The following PECR variants were observed in gnomAD, a reference collection of about 807,000 sequenced individuals.
PECR encodes 2,4-dienoyl-CoA reductase-related protein.
A neutral mutation model predicts 35.3 loss-of-function variants in PECR; 30 were observed. The observed-to-expected ratio is 0.85, with a 90% confidence interval of 0.64 to 1.15. PECR has a LOEUF of 1.15. Among genes scored for constraint, PECR ranks in the 50% most tolerant of loss-of-function variants. PECR has a pLI of 0.00. For synonymous variants in PECR, 148 were observed against 138.9 expected, an observed-to-expected ratio of 1.07 and a Z score of -0.46; for missense variants, 392 against 370.8, an observed-to-expected ratio of 1.06 and a Z score of -0.47.
intron 6 of PECR, among the ~76,000 whole-genome samples, chr2:216,046,501 G>A (rs904643407): frequency 3.3e-5 from 5 of 151,430 alleles, no homozygotes; most frequent in Admixed American, 1.3e-4. Flanking sequence ...TAGTATAGAC[G>A]GGGTTTCGCC....
rs1307446206 is a variant in PECR at position 216,056,684 on chromosome 2, G to A, written c.506+2211C>T. 5.6e-5 allele frequency among the ~76,000 whole-genome samples: 8 copies of A among 142,550 alleles called. 1 individual carries two copies. In the Admixed American group the frequency reaches 6.0e-4, roughly 11 times the overall value. The allele number at this position is 142,550 out of a possible 152,430, so 93.5% of individuals were successfully genotyped here. A position where few individuals can be genotyped will look rare whatever the true frequency, so the allele number is the denominator to read the frequency against. ...TGCAGTGAGCCAAGATCGCCCCATT[G>A]CACTTCAGCCTGGGCAACAGGAGCA... On this transcript the variant is annotated intron_variant, in intron 4 of 7. Coordinates refer to ENST00000265322, the MANE Select transcript of PECR (RefSeq NM_018441.6).
intron 1 of PECR, among the ~76,000 whole-genome samples, chr2:216,074,364 T>C (rs560587579): frequency 1.3e-5 from 2 of 152,076 alleles, no homozygotes; most frequent in Non-Finnish European, 2.9e-5. Flanking sequence ...CGAGAATTGC[T>C]TGAACCTGGG....
At chr2:216,036,117 C>T (rs1694789340), downstream of PECR, among the ~76,000 whole-genome samples, 1 of 152,210 alleles carries the variant, frequency 6.6e-6, no homozygotes, top group African/African-American at 2.4e-5. Flanking sequence ...TCAGGTGACT[C>T]ACCTCCCAGT....
chr2:216,029,270 G>A (rs745541184), intron 7 of PECR, among the ~76,000 whole-genome samples: 5 of 152,170 alleles, frequency 3.3e-5, no homozygotes, highest in Non-Finnish European at 7.3e-5. Context: ...ACGAGGTCAA[G>A]AGATTGAGAC....
chr2:216,042,547 T>C (rs962772208), intron 7 of PECR, among the ~76,000 whole-genome samples: 7 of 152,196 alleles, frequency 4.6e-5, no homozygotes, highest in Admixed American at 3.9e-4. Flanking sequence ...TTATACCCTT[T>C]ACTACATTTT....
At chr2:216,059,967 G>T (rs577394228) in intron 3 of PECR, among the ~76,000 whole-genome samples, 19 of 152,306 alleles carry the variant, frequency 1.2e-4, no homozygotes, top group Non-Finnish European at 2.2e-4. Flanking sequence ...TGAATCTACA[G>T]ATCAATTTGG....
At chr2:216,051,065 C>G (rs1341251698) in intron 5 of PECR, among the ~76,000 whole-genome samples, 1 of 151,544 alleles carries the variant, frequency 6.6e-6, no homozygotes, top group Non-Finnish European at 1.5e-5. Flanking sequence ...GCGAACAGAT[C>G]TCCTGAGCTC....
At chr2:216,029,102 C>A (rs1381904035) in intron 7 of PECR, among the ~76,000 whole-genome samples, 3 of 151,858 alleles carry the variant, frequency 2.0e-5, no homozygotes, top group African/African-American at 7.3e-5. Context: ...TTATATTCAT[C>A]TTTATTTATT....
chr2:216,062,219 T>C (rs981401486), intron 3 of PECR, among the ~76,000 whole-genome samples: 1 of 152,060 alleles, frequency 6.6e-6, no homozygotes, highest in Non-Finnish European at 1.5e-5. Context: ...CTAATGTTTG[T>C]ATTTTTAGTG....
rs59623283 is a variant in PECR at position 216,048,843 on chromosome 2, CAA to C, written c.714+418_714+419del. On this transcript the variant is annotated intron_variant, in intron 6 of 7. Transcript: ENST00000265322. ...TAACAGAGTGAAACACTGTCTCAAG[CAA>C]AAAAAAAAAAAAAAAAAAAAACCGC... 4.5e-3 allele frequency among the ~76,000 whole-genome samples: 333 copies of C among 74,050 alleles called. 4 individuals carry two copies. The highest frequency in any genetic ancestry group is 0.029 in the Admixed American group (174 of 6,036). The allele number at this position is 74,050 out of a possible 152,430, so 48.6% of individuals were successfully genotyped here. A position where few individuals can be genotyped will look rare whatever the true frequency, so the allele number is the denominator to read the frequency against.
At position 216,043,007 on chromosome 2, in the gene PECR, A is replaced by G. The variant is rs4674054; in HGVS notation, c.826+897T>C. On this transcript the variant is annotated intron_variant, in intron 7 of 7. Coordinates refer to ENST00000265322, the MANE Select transcript of PECR (RefSeq NM_018441.6). The stretch of plus-strand genomic sequence containing the variant: ...TATATATATACATACGTATATGTGT[A>G]TATATATATACACATACGTATATAT... Among the ~76,000 whole-genome samples, 61 of 140,618 alleles carry G rather than the reference A, an allele frequency of 4.3e-4. 2 individuals carry two copies. The highest frequency in any genetic ancestry group is 1.4e-3 in the East Asian group (7 of 5,090). The allele number at this position is 140,618 out of a possible 152,430, so 92.3% of individuals were successfully genotyped here. A position where few individuals can be genotyped will look rare whatever the true frequency, so the allele number is the denominator to read the frequency against.
At chr2:216,036,218 TGAACAACCAAGACCCA>T (rs1559205215), downstream of PECR, among the ~76,000 whole-genome samples, 1 of 152,214 alleles carries the variant, frequency 6.6e-6, no homozygotes, top group Non-Finnish European at 1.5e-5. Context: ...ATAGAGGGCT[TGAACAACCAAGACCCA>T]GCTGAAGGGC....
Position 216,044,937 on chromosome 2 carries a change from ATTCCTAGATCC to A in PECR, c.715-933_715-923del, listed in dbSNP as rs1184625633. ...CTAGGGATGCTTACTGAGACTTCAG[ATTCCTAGATCC>A]TTCCAGGATCATTGCAATTGTAAGC... On this transcript the variant is annotated intron_variant, in intron 6 of 7. Coordinates refer to ENST00000265322, the MANE Select transcript of PECR (RefSeq NM_018441.6). Among the ~76,000 whole-genome samples the A allele has an allele frequency of 2.0e-5, 3 of 152,326 alleles. No homozygotes were observed. The East Asian group carries it at 5.8e-4, about 29-fold the overall frequency.
At chr2:216,054,543 C>T (rs1163363265) in intron 4 of PECR, among the ~76,000 whole-genome samples, 6 of 151,280 alleles carry the variant, frequency 4.0e-5, no homozygotes, top group African/African-American at 1.5e-4. Flanking sequence ...ACCATGTTGC[C>T]CATGCTGGTC....
chr2:216,051,366 T>A, intron 5 of PECR, 83 bp downstream of exon 5: 2 of 846,974 alleles, frequency 2.4e-6, no homozygotes, highest in East Asian at 4.8e-5. Context: ...TACTTGCTTA[T>A]TACCAAATAC....
Position 216,065,459 on chromosome 2 carries a change from A to G in PECR, c.277T>C (p.Ser93Pro), listed in dbSNP as rs945574230. The change falls in exon 3 of 8, where the codon TCT becomes CCT. Residue 93 changes from serine to proline, a missense_variant. Ser to Pro is a moderately conservative substitution (Grantham distance 74). Coordinates refer to ENST00000265322, the MANE Select transcript of PECR (RefSeq NM_018441.6). The part of the protein sequence containing the change: ...NEEEVNNLVK[S>P]TLDTFGKINF... ...ATCTTACCAAAAGTATCTAAGGTAGATTTGACCAAATTATTCACCTAAAGA... is the reference window on the plus strand; with the variant it reads ...ATCTTACCAAAAGTATCTAAGGTAGGTTTGACCAAATTATTCACCTAAAGA... 3.7e-6 allele frequency: 6 copies of G among 1,601,114 alleles called. No individual in the cohort carries two copies. Among genetic ancestry groups the G allele is most frequent in the Non-Finnish European group, 5.1e-6 (6 of 1,168,102 alleles).
chr2:216,066,459 G>A lies in PECR; in HGVS notation c.184C>T (p.Leu62=). ...TTTGTGGGAGGTAGGTTGGCCTGCA[G>A]TTCATCTGCCGCAGACTTCAATCTC... is the stretch of plus-strand genomic sequence containing the variant. ...LERLKSAADE[L]QANLPPTKQA... The change falls in exon 2 of 8, where the codon CTG becomes TTG. Residue 62 remains leucine (L), a synonymous_variant. Coordinates refer to ENST00000265322, the MANE Select transcript of PECR (RefSeq NM_018441.6). 2.5e-6 allele frequency: 4 copies of A among 1,613,618 alleles called. No individual in the cohort carries two copies. The highest frequency in any genetic ancestry group is 3.4e-6 in the Non-Finnish European group (4 of 1,179,464).
At chr2:216,043,792 A>G in intron 7 of PECR, 112 bp downstream of exon 7, 1 of 684,312 alleles carries the variant, frequency 1.5e-6, no homozygotes, top group Non-Finnish European at 2.7e-6. Flanking sequence ...GTACATTTTG[A>G]TGTTCTATAA....
chr2:216,053,348 A>T (rs569761103), intron 4 of PECR, among the ~76,000 whole-genome samples: 1 of 152,000 alleles, frequency 6.6e-6, no homozygotes, highest in Admixed American at 6.6e-5. Context: ...GGTTCACGCC[A>T]TTCTCCTGCC....
Sources: allele counts gnomAD v4.1 joint callset (sites outside exome capture counted in the v4.1 genomes callset), GRCh38; gene constraint gnomAD v4.1.1; transcripts MANE v1.5; gene names NCBI Gene and HGNC (gene_info 2026-07-23, HGNC 2026-07-21).